Variants in ITGA4 observed in about 807,000 individuals in gnomAD.
The protein encoded by ITGA4 is integrin subunit alpha 4.
In ITGA4, 63 loss-of-function variants were observed where a neutral mutation model predicts 133.6. The observed-to-expected ratio is 0.47, with a 90% CI of 0.38 to 0.58. The LOEUF (loss-of-function observed/expected upper bound fraction) is 0.58, where lower values mean the gene tolerates loss of function less well. Among genes scored for constraint, ITGA4 ranks in the 20% least tolerant of loss-of-function variants. The pLI is 0.00. For synonymous variants in ITGA4, 483 were observed against 438.0 expected (o/e 1.10, Z -1.28); for missense variants, 1,076 against 1,252.7 (o/e 0.86, Z 2.13).
chr2:181,524,851 AAAG>A (rs754281991), intron 20 of ITGA4, among the ~76,000 whole-genome samples: 32 of 152,210 alleles, frequency 2.1e-4, no homozygotes, highest in Non-Finnish European at 3.8e-4. Flanking sequence ...TCTTCAACCT[AAAG>A]AGAGTAATAG....
chr2:181,467,532 T>A (rs565913542), intron 2 of ITGA4, among the ~76,000 whole-genome samples: 1 of 152,178 alleles, frequency 6.6e-6, no homozygotes. Flanking sequence ...CCCTGGTCCT[T>A]CTTTCTTTAG....
At chr2:181,527,238 C>G (rs1686852329) in intron 21 of ITGA4, 59 bp from the exon 22 acceptor site, 1 of 1,006,880 alleles carries the variant, frequency 9.9e-7, no homozygotes. Context: ...TAGAAAAAGA[C>G]TCTTTATAAT....
chr2:181,528,822 C>T (rs1232937046), intron 22 of ITGA4, among the ~76,000 whole-genome samples: 1 of 152,120 alleles, frequency 6.6e-6, no homozygotes, highest in Non-Finnish European at 1.5e-5. Flanking sequence ...GTTAAGCTGC[C>T]AGTTCAGTAG....
At chr2:181,459,159 T>C (rs1685206829) in intron 2 of ITGA4, 1 of 152,246 alleles carries the variant, frequency 6.6e-6, no homozygotes, top group African/African-American at 2.4e-5. Context: ...CTAGTTTATG[T>C]ATGAGGACTG....
intron 25 of ITGA4, among the ~76,000 whole-genome samples, chr2:181,533,042 C>T (rs939588993): frequency 6.7e-6 from 1 of 148,158 alleles, no homozygotes; most frequent in African/African-American, 2.5e-5. Flanking sequence ...CAAAATTCAA[C>T]AACAAAAACA....
chr2:181,495,691 T>A lies in ITGA4; in HGVS notation c.1386-92T>A, dbSNP rs1391428133. 29 of 1,094,586 alleles carry A rather than the reference T, an allele frequency of 2.6e-5. No homozygotes were observed. The highest frequency in any genetic ancestry group is 3.9e-5 in the Non-Finnish European group (29 of 748,130). 67.8% of individuals were successfully genotyped at this position (1,094,586 alleles called of 1,614,324 possible). ...CACATAATAAGACTCATGAAATTACTTGGTGAATGTAAACTGAAAAAACAA... is the reference window on the plus strand; with the variant it reads ...CACATAATAAGACTCATGAAATTACATGGTGAATGTAAACTGAAAAAACAA... On this transcript the variant is annotated intron_variant, in intron 13 of 27. Coordinates refer to ENST00000397033, the MANE Select transcript of ITGA4 (RefSeq NM_000885.6). This position sits in a 1 kb window ranked among gnomAD's most constrained non-coding sequence, Gnocchi z 4.3.
chr2:181,472,328 T>C (rs183509991), intron 2 of ITGA4, among the ~76,000 whole-genome samples: 30 of 152,360 alleles, frequency 2.0e-4, no homozygotes, highest in Admixed American at 1.6e-3. Flanking sequence ...TACATTGTGG[T>C]TCTAAACTAT....
In ITGA4 at chr2:181,488,831, T is replaced by C. The variant is rs547115229; in HGVS notation, c.1153+2839T>C. 2.0e-5 allele frequency among the ~76,000 whole-genome samples: 3 copies of C among 152,298 alleles called. No individual in the cohort carries two copies. The East Asian group carries it at 5.8e-4, about 29-fold the overall frequency. On this transcript the variant is annotated intron_variant, in intron 10 of 27. Transcript: ENST00000397033. ...CCTTGGCCTCCAAAAATGCTGGGAT[T>C]ACAGGCATGAGCCACTGCACCCAGC...
At chr2:181,499,595 C>A (rs1686225787) in intron 15 of ITGA4, among the ~76,000 whole-genome samples, 1 of 152,120 alleles carries the variant, frequency 6.6e-6, no homozygotes, top group Non-Finnish European at 1.5e-5. Context: ...CAAATGCAAG[C>A]AAGCATCAAG....
intron 15 of ITGA4, among the ~76,000 whole-genome samples, chr2:181,506,385 C>T (rs1283508539): frequency 6.6e-6 from 1 of 152,050 alleles, no homozygotes; most frequent in Admixed American, 6.6e-5. Context: ...AGTATAACCA[C>T]CATAATTGTT....
At chr2:181,459,778 G>A (rs148007999) in intron 2 of ITGA4, among the ~76,000 whole-genome samples, 36 of 152,316 alleles carry the variant, frequency 2.4e-4, no homozygotes, top group African/African-American at 7.7e-4. Flanking sequence ...ATCTTGGCAA[G>A]GTCTCAGGAG....
At chr2:181,498,877 A>T (rs1484779626) in intron 15 of ITGA4, 100 bp downstream of exon 15, 2 of 1,435,096 alleles carry the variant, frequency 1.4e-6, no homozygotes, top group Middle Eastern at 1.9e-4. Context: ...TGTAGATAAA[A>T]GCAACTGTTA....
At chr2:181,461,266 G>C (rs1265700155) in intron 2 of ITGA4, among the ~76,000 whole-genome samples, 1 of 149,778 alleles carries the variant, frequency 6.7e-6, no homozygotes, top group Non-Finnish European at 1.5e-5. Flanking sequence ...CAAGTTGACT[G>C]CAGAGCCAGC....
At chr2:181,464,793 A>G (rs965942619) in intron 2 of ITGA4, among the ~76,000 whole-genome samples, 1 of 152,092 alleles carries the variant, frequency 6.6e-6, no homozygotes, top group Admixed American at 6.6e-5. Context: ...CTCCTGAAAT[A>G]GGGAGCTTGG....
In ITGA4 at chr2:181,536,167, C is replaced by A. The variant is rs1687076740; in HGVS notation, c.*640C>A. The stretch of plus-strand genomic sequence containing the variant: ...GACTGAACATGTACACTGGTTTGAG[C>A]TTAGTGAAATTACTTCTGGATAATT... On this transcript the variant is annotated 3_prime_UTR_variant, in exon 28 of 28. Coordinates refer to ENST00000397033, the MANE Select transcript of ITGA4 (RefSeq NM_000885.6). 1.3e-5 allele frequency: 2 copies of A among 151,814 alleles called. No homozygotes were observed. Among genetic ancestry groups the A allele is most frequent in the Admixed American group, 1.3e-4 (2 of 15,214 alleles). The allele number at this position is 151,814 out of a possible 1,614,324, so 9.4% of individuals were successfully genotyped here.
rs1559062239 is a variant in ITGA4 at position 181,536,839 on chromosome 2, C to CTTCATAATTATCTGACTCTGT, written c.*1312_*1313insTTCATAATTATCTGACTCTGT. On this transcript the variant is annotated 3_prime_UTR_variant, in exon 28 of 28. Transcript: ENST00000397033. ...CAGAATATCATTTTATCTGACTCTG[C>CTTCATAATTATCTGACTCTGT]CTTCATAAGAGAGCTGTGGCCGAAT... The CTTCATAATTATCTGACTCTGT allele has an allele frequency of 5.1e-6, 2 of 388,378 alleles. No homozygotes were observed. Among genetic ancestry groups the CTTCATAATTATCTGACTCTGT allele is most frequent in the African/African-American group, 4.2e-5 (2 of 48,126 alleles). The allele number at this position is 388,378 out of a possible 1,614,324, so 24.1% of individuals were successfully genotyped here.
Position 181,495,196 on chromosome 2 carries a change from G to A in ITGA4, c.1340-175G>A, listed in dbSNP as rs1365613493. Among the ~76,000 whole-genome samples, 2 of 152,198 alleles carry A rather than the reference G, an allele frequency of 1.3e-5. No homozygotes were observed. The highest frequency in any genetic ancestry group is 2.9e-5 in the Non-Finnish European group (2 of 68,032). On this transcript the variant is annotated intron_variant, in intron 12 of 27. Coordinates refer to ENST00000397033, the MANE Select transcript of ITGA4 (RefSeq NM_000885.6). This position sits in a 1 kb window ranked among gnomAD's most constrained non-coding sequence, Gnocchi z 4.3. ...TCATAATGGGATGAATGTTGTACATGAATAGATTCAGAGAAAAGTGGAAAG... is the reference window on the plus strand; with the variant it reads ...TCATAATGGGATGAATGTTGTACATAAATAGATTCAGAGAAAAGTGGAAAG...
At chr2:181,517,731 A>G (rs772196754) in intron 17 of ITGA4, among the ~76,000 whole-genome samples, 4 of 152,032 alleles carry the variant, frequency 2.6e-5, no homozygotes, top group Non-Finnish European at 4.4e-5. Context: ...AATTATGGTA[A>G]TGGGGCAAAA....
chr2:181,531,923 A>G (rs1686953551), intron 25 of ITGA4, 147 bp downstream of exon 25: 1 of 519,960 alleles, frequency 1.9e-6, no homozygotes, highest in East Asian at 3.4e-5. Context: ...CTGTATTTCT[A>G]TCACTTCAAC....
Sources: gnomAD v4.1 joint callset for allele counts (sites outside exome capture counted in the v4.1 genomes callset) on GRCh38, gnomAD v4.1.1 for gene constraint, Gnocchi (gnomAD v3.1) non-coding constraint, MANE v1.5 for transcripts, NCBI Gene and HGNC (gene_info 2026-07-23, HGNC 2026-07-21) for gene names.